USH2A: variants seen among roughly 807,000 people sequenced by gnomAD.
The protein encoded by USH2A is Usher syndrome 2A (autosomal recessive, mild).
USH2A carries 443 observed loss-of-function variants against 538.9 expected under a neutral mutation model. The ratio of observed to expected loss-of-function variants is 0.82; its 90% confidence interval spans 0.76 to 0.89. The LOEUF is 0.89. Among genes scored for constraint, USH2A ranks in the 40% least tolerant of loss-of-function variants. The pLI is 0.00. For missense variants in USH2A, 6,633 were observed against 6,324.8 expected, an observed-to-expected ratio of 1.05 and a Z score of -1.65; for synonymous variants, 2,413 against 2,273.5, an observed-to-expected ratio of 1.06 and a Z score of -1.75.
At chr1:215,683,733 CCCTTT>C (rs1658321153) in intron 61 of USH2A, among the ~76,000 whole-genome samples, 1 of 151,818 alleles carries the variant, frequency 6.6e-6, no homozygotes, top group Admixed American at 6.6e-5. Context: ...TTCTTATTCA[CCCTTT>C]CCTTCTTCTC....
At chr1:216,035,081 C>G (rs2102514831) in intron 32 of USH2A, among the ~76,000 whole-genome samples, 1 of 152,250 alleles carries the variant, frequency 6.6e-6, no homozygotes, top group South Asian at 2.1e-4. Flanking sequence ...TGATTGTGAA[C>G]ACACACCTTA....
At chr1:216,406,057 T>C (rs2039389945) in intron 3 of USH2A, among the ~76,000 whole-genome samples, 1 of 152,146 alleles carries the variant, frequency 6.6e-6, no homozygotes, top group African/African-American at 2.4e-5. Flanking sequence ...AGGGAGACAG[T>C]GGGCATGGTT....
chr1:216,343,423 C>T (rs993279861), intron 4 of USH2A, among the ~76,000 whole-genome samples: 17 of 150,600 alleles, frequency 1.1e-4, no homozygotes, highest in African/African-American at 3.9e-4. Context: ...ACCTGTACTC[C>T]CAGCTATGCA....
intron 47 of USH2A, among the ~76,000 whole-genome samples, chr1:215,826,357 A>G (rs1663153993): frequency 6.6e-6 from 1 of 152,212 alleles, no homozygotes. Context: ...ACCTCTCAAG[A>G]AAAACATACA....
At chr1:216,332,509 T>C (rs2037888069) in intron 4 of USH2A, among the ~76,000 whole-genome samples, 1 of 152,142 alleles carries the variant, frequency 6.6e-6, no homozygotes, top group Non-Finnish European at 1.5e-5. Context: ...TATATGCGCA[T>C]GCTAAAGAAA....
rs1164657823 is a variant in USH2A at position 216,075,405 on chromosome 1, C to T, written c.5573-2105G>A. On this transcript the variant is annotated intron_variant, in intron 27 of 71. Transcript: ENST00000307340. ...AACAAAAGGAGAAAGGGGATGTTTGCGAGAGGAGTGGAAATGCTTTCTTTT... is the reference window on the plus strand; with the variant it reads ...AACAAAAGGAGAAAGGGGATGTTTGTGAGAGGAGTGGAAATGCTTTCTTTT... 2.6e-5 allele frequency among the ~76,000 whole-genome samples: 4 copies of T among 152,120 alleles called. No homozygotes were observed. In the East Asian group the frequency reaches 5.8e-4, roughly 22 times the overall value.
At chr1:215,863,805 CT>C (rs1664393805) in intron 44 of USH2A, among the ~76,000 whole-genome samples, 1 of 151,512 alleles carries the variant, frequency 6.6e-6, no homozygotes, top group African/African-American at 2.4e-5. Flanking sequence ...GAACCTGTCT[CT>C]ACAAAAACAT....
At chr1:215,666,944 A>G (rs200216896) in intron 64 of USH2A, among the ~76,000 whole-genome samples, 2 of 152,048 alleles carry the variant, frequency 1.3e-5, no homozygotes, top group East Asian at 1.9e-4. Context: ...ACAAAAAACT[A>G]GCTGGGCGTG....
chr1:216,388,525 A>G (rs2039046540), intron 3 of USH2A, among the ~76,000 whole-genome samples: 1 of 152,218 alleles, frequency 6.6e-6, no homozygotes, highest in South Asian at 2.1e-4. Flanking sequence ...TTACAAATAC[A>G]TAAGGGAATT....
At chr1:216,098,425 C>A (rs1036317547) in intron 21 of USH2A, among the ~76,000 whole-genome samples, 1 of 152,102 alleles carries the variant, frequency 6.6e-6, no homozygotes, top group Non-Finnish European at 1.5e-5. Flanking sequence ...AGTAAAAATA[C>A]AGTCAGGCAG....
At chr1:215,662,762 T>C (rs941964701) in intron 64 of USH2A, among the ~76,000 whole-genome samples, 3 of 151,884 alleles carry the variant, frequency 2.0e-5, no homozygotes, top group Non-Finnish European at 4.4e-5. Flanking sequence ...GGAGTTGGGG[T>C]GGGTGTGGGG....
At chr1:216,027,517 C>A (rs966391965) in intron 32 of USH2A, among the ~76,000 whole-genome samples, 4 of 152,046 alleles carry the variant, frequency 2.6e-5, no homozygotes. Flanking sequence ...TATTTCAGGT[C>A]CGTAGTTAAT....
chr1:215,676,742 G>A (rs1212745619), intron 62 of USH2A, among the ~76,000 whole-genome samples: 1 of 152,038 alleles, frequency 6.6e-6, no homozygotes, highest in African/African-American at 2.4e-5. Context: ...TCTTCTGAAG[G>A]GAGCATAGGT....
chr1:216,305,895 GT>G (rs1174436576), intron 9 of USH2A, among the ~76,000 whole-genome samples: 3 of 152,090 alleles, frequency 2.0e-5, no homozygotes, highest in Non-Finnish European at 4.4e-5. Context: ...AATCTGACAG[GT>G]TTTCCTTCAT....
intron 61 of USH2A, among the ~76,000 whole-genome samples, chr1:215,726,644 G>T (rs778802508): frequency 2.6e-5 from 4 of 151,988 alleles, no homozygotes; most frequent in African/African-American, 4.8e-5. Context: ...TTTTATAAAT[G>T]CTTTAGTTTG....
chr1:215,917,753 G>A (rs1371731520), intron 38 of USH2A, among the ~76,000 whole-genome samples: 2 of 121,796 alleles, frequency 1.6e-5, no homozygotes, highest in Non-Finnish European at 3.2e-5. Context: ...AGACGAGTCT[G>A]AGTAACATAG....
intron 3 of USH2A, among the ~76,000 whole-genome samples, chr1:216,379,207 GC>G (rs1464282082): frequency 3.9e-5 from 6 of 152,254 alleles, no homozygotes; most frequent in Admixed American, 3.9e-4. Context: ...CATGTCCCCT[GC>G]CCATGGAGGC....
chr1:215,837,134 T>C (rs1279098478), intron 47 of USH2A, among the ~76,000 whole-genome samples: 1 of 152,198 alleles, frequency 6.6e-6, no homozygotes, highest in Non-Finnish European at 1.5e-5. Flanking sequence ...TTTTAACCAT[T>C]GGTTGCCAAA....
At chr1:215,723,477 C>A (rs2102709103) in intron 61 of USH2A, among the ~76,000 whole-genome samples, 1 of 152,316 alleles carries the variant, frequency 6.6e-6, no homozygotes, top group South Asian at 2.1e-4. Context: ...GACCTTGGGG[C>A]AAGCTAGTGA....
Sources: allele counts gnomAD v4.1 joint callset (sites outside exome capture counted in the v4.1 genomes callset), GRCh38; gene constraint gnomAD v4.1.1; transcripts MANE v1.5; gene names NCBI Gene and HGNC (gene_info 2026-07-23, HGNC 2026-07-21).